The following KIAA1958 variants were observed in gnomAD, a reference collection of about 807,000 sequenced individuals.
KIAA1958 encodes uncharacterized protein KIAA1958.
A neutral mutation model predicts 47.2 loss-of-function variants in KIAA1958; 14 were observed. The ratio of observed to expected loss-of-function variants is 0.30; its 90% CI spans 0.20 to 0.46. The LOEUF (loss-of-function observed/expected upper bound fraction) is 0.46, where lower values mean the gene tolerates loss of function less well. KIAA1958 is among the 20% of genes least tolerant of loss of function. The probability of loss-of-function intolerance (pLI) is 1.00; values close to 1 mark genes in which losing one functional copy is unlikely to be tolerated. For synonymous variants in KIAA1958, 354 were observed against 353.3 expected, an observed-to-expected ratio of 1.00 and a Z score of -0.02; for missense variants, 803 against 909.2, an observed-to-expected ratio of 0.88 and a Z score of 1.50.
At chr9:112,614,825 A>T (rs1020435755) in intron 2 of KIAA1958, among the ~76,000 whole-genome samples, 1 of 152,212 alleles carries the variant, frequency 6.6e-6, no homozygotes, top group Non-Finnish European at 1.5e-5. Flanking sequence ...GTATGTTAGC[A>T]TGGTGCTGAA....
rs573906437 is a variant in KIAA1958, at chr9:112,618,139, G to A, written c.1172-27511G>A. On this transcript the variant is annotated intron_variant, in intron 2 of 3. Coordinates refer to ENST00000337530, the MANE Select transcript of KIAA1958 (RefSeq NM_133465.4). The surrounding 1 kb of genome is among the most constrained non-coding windows in gnomAD (Gnocchi z 7.1). ...TCGAAAGGTACCTGAAAGAACACAG[G>A]TATGGCTATAGCATCACCAGGGATA... is the stretch of plus-strand genomic sequence containing the variant. 3.5e-5 allele frequency: 54 copies of A among 1,550,532 alleles called. No homozygotes were observed. The highest frequency in any genetic ancestry group is 1.1e-4 in the African/African-American group (8 of 73,122).
chr9:112,565,451 C>A (rs1293971112), intron 1 of KIAA1958, among the ~76,000 whole-genome samples: 1 of 152,170 alleles, frequency 6.6e-6, no homozygotes, highest in Admixed American at 6.5e-5. Context: ...CTGTAAGTGT[C>A]TTATCCAATC....
chr9:112,628,652 G>A (rs1836660428), intron 2 of KIAA1958, among the ~76,000 whole-genome samples: 1 of 152,166 alleles, frequency 6.6e-6, no homozygotes, highest in Non-Finnish European at 1.5e-5. Context: ...TAACAATTTA[G>A]CAGTGGGCAC....
chr9:112,657,164 C>T (rs1837165552), intron 3 of KIAA1958, among the ~76,000 whole-genome samples: 1 of 151,984 alleles, frequency 6.6e-6, no homozygotes, highest in Non-Finnish European at 1.5e-5. Context: ...GGCATGATCT[C>T]AGCTCACTCC....
intron 1 of KIAA1958, among the ~76,000 whole-genome samples, chr9:112,525,748 T>C (rs1183841484): frequency 6.6e-6 from 1 of 151,872 alleles, no homozygotes; most frequent in Non-Finnish European, 1.5e-5. Flanking sequence ...ATTGTGTCCT[T>C]GATTATTGTT....
intron 2 of KIAA1958, among the ~76,000 whole-genome samples, chr9:112,627,525 G>A (rs866435167): frequency 2.2e-4 from 34 of 152,118 alleles, no homozygotes; most frequent in African/African-American, 6.3e-4. Flanking sequence ...AGACTGAGGC[G>A]GGCGGATCAC....
intron 2 of KIAA1958, among the ~76,000 whole-genome samples, chr9:112,642,809 AT>A: frequency 6.6e-6 from 1 of 152,354 alleles, no homozygotes; most frequent in Admixed American, 6.5e-5. Context: ...AAAGCAGTTT[AT>A]TAAGTATATG....
At chr9:112,610,567 C>T (rs1836310264) in intron 2 of KIAA1958, among the ~76,000 whole-genome samples, 1 of 152,104 alleles carries the variant, frequency 6.6e-6, no homozygotes, top group Non-Finnish European at 1.5e-5. Flanking sequence ...CTTTATACAA[C>T]TCTATGCAAA....
chr9:112,506,284 G>A (rs1247530982), intron 1 of KIAA1958, among the ~76,000 whole-genome samples: 3 of 152,010 alleles, frequency 2.0e-5, no homozygotes, highest in East Asian at 1.9e-4. Context: ...GTGAAACCCC[G>A]TCTCTACTAA....
chr9:112,657,488 C>T (rs1837169603), intron 3 of KIAA1958, among the ~76,000 whole-genome samples: 1 of 152,126 alleles, frequency 6.6e-6, no homozygotes, highest in African/African-American at 2.4e-5. Flanking sequence ...CAATGTCATT[C>T]AAAACTATGA....
intron 1 of KIAA1958, among the ~76,000 whole-genome samples, chr9:112,539,952 A>G (rs1307186120): frequency 2.0e-5 from 3 of 152,300 alleles, no homozygotes; most frequent in East Asian, 3.9e-4. Flanking sequence ...CAGCTTCCCA[A>G]AGTACTAGGA....
At chr9:112,628,629 A>G (rs1389527842) in intron 2 of KIAA1958, among the ~76,000 whole-genome samples, 28 of 152,226 alleles carry the variant, frequency 1.8e-4, no homozygotes. Context: ...ATGGCATGAT[A>G]TATCCTGATG....
intron 1 of KIAA1958, among the ~76,000 whole-genome samples, chr9:112,504,082 T>C (rs572729329): frequency 6.6e-6 from 1 of 152,286 alleles, no homozygotes; most frequent in Non-Finnish European, 1.5e-5. Flanking sequence ...TAACCTGGCT[T>C]TATTGATGGT....
chr9:112,560,200 TTTTTTTTC>T (rs1180057241), intron 1 of KIAA1958, among the ~76,000 whole-genome samples: 2 of 121,354 alleles, frequency 1.6e-5, no homozygotes, highest in Non-Finnish European at 1.7e-5. Flanking sequence ...TTCTTTTTCT[TTTTTTTTC>T]TTTTTTTGAA....
chr9:112,566,823 A>G (rs1835435239), intron 1 of KIAA1958, among the ~76,000 whole-genome samples: 1 of 152,226 alleles, frequency 6.6e-6, no homozygotes, highest in Admixed American at 6.5e-5. Flanking sequence ...TAAGATGAAT[A>G]CAGCATGAAC....
At chr9:112,534,125 G>A (rs184380904) in intron 1 of KIAA1958, among the ~76,000 whole-genome samples, 9 of 152,322 alleles carry the variant, frequency 5.9e-5, no homozygotes, top group Admixed American at 5.9e-4. Flanking sequence ...TCTGTAAAGT[G>A]GGGAATAGCA....
At chr9:112,641,271 G>A (rs571052081) in intron 2 of KIAA1958, among the ~76,000 whole-genome samples, 2 of 150,538 alleles carry the variant, frequency 1.3e-5, no homozygotes, top group East Asian at 3.9e-4. Context: ...CTTTAGGTAG[G>A]TAATAAATTT....
chr9:112,495,277 G>A (rs1010988363), intron 1 of KIAA1958, among the ~76,000 whole-genome samples: 10 of 151,786 alleles, frequency 6.6e-5, no homozygotes, highest in Non-Finnish European at 8.8e-5. Context: ...TTCTTACTGT[G>A]CTTTTTAATT....
At chr9:112,570,728 A>G (rs1266614831) in intron 1 of KIAA1958, among the ~76,000 whole-genome samples, 1 of 152,226 alleles carries the variant, frequency 6.6e-6, no homozygotes, top group Non-Finnish European at 1.5e-5. Flanking sequence ...AACTAATAGA[A>G]TATGCATATA....
Sources: gnomAD v4.1 joint callset for allele counts (sites outside exome capture counted in the v4.1 genomes callset) on GRCh38, gnomAD v4.1.1 for gene constraint, Gnocchi (gnomAD v3.1) non-coding constraint, MANE v1.5 for transcripts, NCBI Gene and HGNC (gene_info 2026-07-23, HGNC 2026-07-21) for gene names.